The following KCTD10 variants were observed in gnomAD, a reference collection of about 807,000 sequenced individuals.
The protein encoded by KCTD10 is potassium channel tetramerization domain containing 10, also known as BTB/POZ domain-containing adapter for CUL3-mediated RhoA degradation protein 3.
A neutral mutation model predicts 34.6 loss-of-function variants in KCTD10; 13 were observed. The observed-to-expected ratio is 0.38, with a 90% CI of 0.24 to 0.60. The LOEUF (loss-of-function observed/expected upper bound fraction) is 0.60, where lower values mean the gene tolerates loss of function less well. KCTD10 is among the 20% of genes least tolerant of loss of function. The pLI, the probability that KCTD10 is intolerant of heterozygous loss-of-function variation, is 0.66. For missense variants in KCTD10, 256 were observed against 420.3 expected, an observed-to-expected ratio of 0.61 and a Z score of 3.42; for synonymous variants, 156 against 168.8, an observed-to-expected ratio of 0.92 and a Z score of 0.59.
At chr12:109,457,969 C>T (rs775215691) in intron 4 of KCTD10, 23 bp downstream of exon 4, 26 of 1,580,760 alleles carry the variant, frequency 1.6e-5, no homozygotes, top group Non-Finnish European at 2.2e-5. Context: ...AAAAGAAATT[C>T]CACAAGGGTG....
At position 109,477,281 on chromosome 12, in the gene KCTD10, G is replaced by C; in HGVS notation, c.-19C>G. 6.2e-7 allele frequency: 1 copy of C among 1,613,952 alleles called. No homozygotes were observed. The highest frequency in any genetic ancestry group is 1.7e-5 in the Admixed American group (1 of 59,996). On this transcript the variant is annotated 5_prime_UTR_variant, in exon 1 of 7. Coordinates refer to ENST00000228495, the MANE Select transcript of KCTD10 (RefSeq NM_031954.5). ...CTACCATGAAAAGTCGGAGGACGCA[G>C]GAGTCTCCAAACCCGGACTGAGAGA...
chr12:109,467,664 G>A (rs1441545791), intron 2 of KCTD10, among the ~76,000 whole-genome samples: 2 of 152,058 alleles, frequency 1.3e-5, no homozygotes, highest in Non-Finnish European at 2.9e-5. Flanking sequence ...CATACCATTA[G>A]CTTTTCATAA....
At chr12:109,465,860 A>G (rs1269231174) in intron 2 of KCTD10, among the ~76,000 whole-genome samples, 1 of 152,184 alleles carries the variant, frequency 6.6e-6, no homozygotes, top group East Asian at 1.9e-4. Flanking sequence ...CACAAAATGA[A>G]TGACTCTTCA....
Position 109,450,703 on chromosome 12 carries a change from G to A in KCTD10, c.*892C>T, listed in dbSNP as rs1283878013. On this transcript the variant is annotated 3_prime_UTR_variant, in exon 7 of 7. Coordinates refer to ENST00000228495, the MANE Select transcript of KCTD10 (RefSeq NM_031954.5). ...GGCTGAAGAGGAGCGGGATCCCAGGGAGGGGTAGTTTATGAGCTATGCCTG... is the reference window on the plus strand; with the variant it reads ...GGCTGAAGAGGAGCGGGATCCCAGGAAGGGGTAGTTTATGAGCTATGCCTG... 4.4e-6 allele frequency: 1 copy of A among 225,132 alleles called. No homozygotes were observed. The highest frequency in any genetic ancestry group is 5.8e-5 in the Admixed American group (1 of 17,250). The allele number at this position is 225,132 out of a possible 1,614,324, so 13.9% of individuals were successfully genotyped here.
At chr12:109,464,499 T>C (rs56144717) in intron 2 of KCTD10, among the ~76,000 whole-genome samples, 25,675 of 151,918 alleles carry the variant, frequency 0.17, 2,193 homozygotes, top group African/African-American at 0.18. Flanking sequence ...AGATCAAGGA[T>C]GTAAGTGTAA....
intron 6 of KCTD10, among the ~76,000 whole-genome samples, chr12:109,454,799 C>T (rs1872940146): frequency 6.6e-6 from 1 of 152,202 alleles, no homozygotes; most frequent in Non-Finnish European, 1.5e-5. Context: ...TTTACAAACA[C>T]AAGAACATGC....
chr12:109,454,705 G>A (rs1443183085), intron 6 of KCTD10, among the ~76,000 whole-genome samples: 1 of 152,152 alleles, frequency 6.6e-6, no homozygotes, highest in Non-Finnish European at 1.5e-5. Context: ...CTCAAGCCTG[G>A]GTGACAGAGC....
At chr12:109,458,184 G>T (rs914998285) in intron 3 of KCTD10, 106 bp from the exon 4 acceptor site, 2 of 792,724 alleles carry the variant, frequency 2.5e-6, no homozygotes, top group Non-Finnish European at 4.3e-6. Context: ...GGCAGTCATG[G>T]CTGGGAAGAG....
In KCTD10 at chr12:109,460,587, G is replaced by T. The variant is rs757406585; in HGVS notation, c.387+49C>A. 6.4e-7 allele frequency: 1 copy of T among 1,561,912 alleles called. No homozygotes were observed. The highest frequency in any genetic ancestry group is 1.2e-5 in the South Asian group (1 of 86,238). On this transcript the variant is annotated intron_variant, in intron 3 of 6. Transcript: ENST00000228495. The surrounding 1 kb of genome is among the most constrained non-coding windows in gnomAD (Gnocchi z 4.5). ...CAGAGAGGGAAAATGAGGAAGGCAGGTAGGCTTGGTGCCTCTCCACCCATA... is the reference window on the plus strand; with the variant it reads ...CAGAGAGGGAAAATGAGGAAGGCAGTTAGGCTTGGTGCCTCTCCACCCATA...
chr12:109,471,989 AG>A (rs1873913518), intron 1 of KCTD10, among the ~76,000 whole-genome samples: 1 of 152,188 alleles, frequency 6.6e-6, no homozygotes, highest in Admixed American at 6.5e-5. Context: ...TGGAGTGTGT[AG>A]GCCTGGAAAT....
At chr12:109,468,007 CACA>C (rs1053256052) in intron 2 of KCTD10, among the ~76,000 whole-genome samples, 2 of 152,172 alleles carry the variant, frequency 1.3e-5, no homozygotes, top group Admixed American at 1.3e-4. Flanking sequence ...TGAGAAAAAC[CACA>C]ACAATCCTGG....
At chr12:109,466,982 G>T (rs1873623289) in intron 2 of KCTD10, among the ~76,000 whole-genome samples, 1 of 152,232 alleles carries the variant, frequency 6.6e-6, no homozygotes, top group East Asian at 1.9e-4. Flanking sequence ...CTCTCTCCAA[G>T]GACCGACAGG....
intron 1 of KCTD10, among the ~76,000 whole-genome samples, chr12:109,476,178 C>T (rs1428033519): frequency 6.6e-6 from 1 of 152,190 alleles, no homozygotes; most frequent in Admixed American, 6.5e-5. Context: ...GAAATTTCAG[C>T]CATTTTGAAT....
At chr12:109,462,966 T>C (rs997042132) in intron 2 of KCTD10, among the ~76,000 whole-genome samples, 5 of 152,174 alleles carry the variant, frequency 3.3e-5, no homozygotes, top group South Asian at 4.1e-4. Flanking sequence ...ATTATCTTTC[T>C]ACCAGTTCTT....
chr12:109,469,364 C>G (rs1873758680), intron 2 of KCTD10, 151 bp downstream of exon 2: 2 of 850,322 alleles, frequency 2.4e-6, no homozygotes, highest in Non-Finnish European at 3.6e-6. Context: ...AGTAACATAG[C>G]AAATCAACGA....
At chr12:109,467,867 G>A (rs1873669862) in intron 2 of KCTD10, among the ~76,000 whole-genome samples, 1 of 152,126 alleles carries the variant, frequency 6.6e-6, no homozygotes. Context: ...GGGACAGGGG[G>A]ACAGAGGAGT....
chr12:109,462,398 A>C (rs1380380341), intron 2 of KCTD10, among the ~76,000 whole-genome samples: 3 of 152,228 alleles, frequency 2.0e-5, no homozygotes, highest in Non-Finnish European at 4.4e-5. Context: ...GTGGGGGGAA[A>C]TGCAATACAA....
At chr12:109,455,903 G>A (rs1403599400) in intron 6 of KCTD10, among the ~76,000 whole-genome samples, 1 of 152,172 alleles carries the variant, frequency 6.6e-6, no homozygotes, top group Non-Finnish European at 1.5e-5. Context: ...TGCTTGGAAG[G>A]AAGCCAGCAA....
At chr12:109,464,355 G>A (rs984235965) in intron 2 of KCTD10, among the ~76,000 whole-genome samples, 3 of 152,084 alleles carry the variant, frequency 2.0e-5, no homozygotes, top group Admixed American at 6.6e-5. Context: ...CACATTGTAG[G>A]GTATTTAGTT....
Sources: gnomAD v4.1 joint callset for allele counts (sites outside exome capture counted in the v4.1 genomes callset) on GRCh38, gnomAD v4.1.1 for gene constraint, Gnocchi (gnomAD v3.1) non-coding constraint, MANE v1.5 for transcripts, NCBI Gene and HGNC (gene_info 2026-07-23, HGNC 2026-07-21) for gene names.